The following RERE variants were observed in gnomAD, a reference collection of about 807,000 sequenced individuals.
RERE encodes the protein arginine-glutamic acid dipeptide repeats protein.
Under a neutral mutation model 146.1 loss-of-function variants are expected in RERE, and 40 were observed. The ratio of observed to expected loss-of-function variants is 0.27; its 90% CI spans 0.21 to 0.36. The LOEUF (loss-of-function observed/expected upper bound fraction) is 0.36, where lower values mean the gene tolerates loss of function less well. Among genes scored for constraint, RERE ranks in the 10% least tolerant of loss-of-function variants. The pLI is 1.00. For synonymous variants in RERE, 1,003 were observed against 866.0 expected, an observed-to-expected ratio of 1.16 and a Z score of -2.78; for missense variants, 1,933 against 2,138.7, an observed-to-expected ratio of 0.90 and a Z score of 1.90.
At chr1:8,522,745 T>C (rs780590175) in intron 7 of RERE, among the ~76,000 whole-genome samples, 31 of 152,008 alleles carry the variant, frequency 2.0e-4, no homozygotes, top group Non-Finnish European at 4.0e-4. Flanking sequence ...TGGTGGCAGA[T>C]GCTTGCAATC....
intron 1 of RERE, among the ~76,000 whole-genome samples, chr1:8,714,209 T>C (rs1017381740): frequency 6.6e-6 from 1 of 152,250 alleles, no homozygotes; most frequent in African/African-American, 2.4e-5. Context: ...TACTGCCATT[T>C]AACAGATGGG....
chr1:8,367,600 C>G (rs1306708559), intron 12 of RERE, among the ~76,000 whole-genome samples: 15 of 152,138 alleles, frequency 9.9e-5, no homozygotes, highest in Admixed American at 9.8e-4. Flanking sequence ...AGGGAGCCAT[C>G]TCGGGACAAG....
intron 12 of RERE, among the ~76,000 whole-genome samples, chr1:8,382,447 C>A (rs1360841681): frequency 6.6e-6 from 1 of 152,258 alleles, no homozygotes; most frequent in Non-Finnish European, 1.5e-5. Flanking sequence ...CGTGCGCATG[C>A]GTGCGTGTGC....
At chr1:8,498,595 T>C (rs1387211564) in intron 8 of RERE, among the ~76,000 whole-genome samples, 5 of 143,476 alleles carry the variant, frequency 3.5e-5, no homozygotes, top group African/African-American at 5.2e-5. Flanking sequence ...ACTTGGGAGG[T>C]TGAGGCAAGA....
intron 11 of RERE, among the ~76,000 whole-genome samples, chr1:8,464,362 A>T (rs1285843466): frequency 6.6e-6 from 1 of 152,082 alleles, no homozygotes; most frequent in Non-Finnish European, 1.5e-5. Flanking sequence ...TTCAAGGTGC[A>T]GCCTGGATCT....
intron 1 of RERE, among the ~76,000 whole-genome samples, chr1:8,702,753 T>C (rs1184968615): frequency 1.3e-5 from 2 of 152,226 alleles, no homozygotes; most frequent in African/African-American, 4.8e-5. Context: ...CATGTATTTT[T>C]AAATAGTGTT....
chr1:8,388,367 C>T (rs1006901431), intron 12 of RERE, among the ~76,000 whole-genome samples: 2 of 149,736 alleles, frequency 1.3e-5, no homozygotes, highest in Non-Finnish European at 3.0e-5. Context: ...GGCTGGACTG[C>T]GGACTGCAGT....
chr1:8,440,440 A>G (rs1053621972), intron 11 of RERE, among the ~76,000 whole-genome samples: 1 of 151,350 alleles, frequency 6.6e-6, no homozygotes, highest in African/African-American at 2.4e-5. Context: ...AAATACAAAC[A>G]ATTAGCTGGG....
intron 12 of RERE, among the ~76,000 whole-genome samples, chr1:8,391,532 G>A (rs1642882701): frequency 6.6e-6 from 1 of 152,034 alleles, no homozygotes; most frequent in South Asian, 2.1e-4. Context: ...CTCTGTACAG[G>A]CTGATCCCTT....
chr1:8,767,473 C>T (rs1378070401), intron 1 of RERE, among the ~76,000 whole-genome samples: 1 of 151,668 alleles, frequency 6.6e-6, no homozygotes, highest in Non-Finnish European at 1.5e-5. Flanking sequence ...TGATGTGGTG[C>T]ACATCTGTAT....
chr1:8,667,294 C>CT (rs1201838188), intron 1 of RERE, among the ~76,000 whole-genome samples: 1 of 152,194 alleles, frequency 6.6e-6, no homozygotes, highest in Non-Finnish European at 1.5e-5. Context: ...GATATATAAT[C>CT]TTTATTATTT....
intron 4 of RERE, among the ~76,000 whole-genome samples, chr1:8,583,978 T>TA (rs1646398059): frequency 6.6e-6 from 1 of 151,680 alleles, no homozygotes; most frequent in African/African-American, 2.4e-5. Context: ...ACTGGGCTCA[T>TA]AAAAAACAAA....
intron 12 of RERE, among the ~76,000 whole-genome samples, chr1:8,378,367 G>A (rs1262344288): frequency 5.3e-5 from 8 of 152,236 alleles, no homozygotes; most frequent in Non-Finnish European, 8.8e-5. Context: ...AGGAAGGGGA[G>A]AGACTGCAGC....
At chr1:8,768,191 C>T (rs17032767) in intron 1 of RERE, among the ~76,000 whole-genome samples, 3,974 of 152,046 alleles carry the variant, frequency 0.026, 162 homozygotes, top group African/African-American at 0.09. Flanking sequence ...GTAAAAAGAA[C>T]GTGTTTCTGG....
intron 7 of RERE, among the ~76,000 whole-genome samples, chr1:8,529,287 CTTTTT>C (rs34547801): frequency 9.8e-5 from 10 of 102,438 alleles, no homozygotes; most frequent in Admixed American, 2.3e-4. Flanking sequence ...GTTCTCCCTT[CTTTTT>C]TTTTTTTTTT....
intron 12 of RERE, chr1:8,381,026 A>G (rs1257140062): frequency 8.8e-6 from 4 of 456,446 alleles, no homozygotes; most frequent in Non-Finnish European, 1.8e-5. Context: ...GGGTGCAGAC[A>G]CCTGGAACGC....
At chr1:8,402,947 G>A (rs1643314223) in intron 12 of RERE, among the ~76,000 whole-genome samples, 1 of 152,100 alleles carries the variant, frequency 6.6e-6, no homozygotes, top group East Asian at 1.9e-4. Context: ...TTCCCAGGCT[G>A]GAGTGCAGTG....
chr1:8,625,542 G>T (rs1414736187), intron 2 of RERE, among the ~76,000 whole-genome samples: 3 of 152,146 alleles, frequency 2.0e-5, no homozygotes, highest in Non-Finnish European at 4.4e-5. Flanking sequence ...TTGGGCTGAA[G>T]CTATCCCCCT....
intron 1 of RERE, among the ~76,000 whole-genome samples, chr1:8,737,452 G>A (rs1276209553): frequency 6.6e-6 from 1 of 152,198 alleles, no homozygotes; most frequent in Non-Finnish European, 1.5e-5. Context: ...GAGTTATTGA[G>A]AGAAGAGTCA....
Sources: gnomAD v4.1 joint callset for allele counts (sites outside exome capture counted in the v4.1 genomes callset) on GRCh38, gnomAD v4.1.1 for gene constraint, MANE v1.5 for transcripts, NCBI Gene and HGNC (gene_info 2026-07-23, HGNC 2026-07-21) for gene names.